The following AMBRA1 variants were observed in gnomAD, a reference collection of about 807,000 sequenced individuals.
The protein encoded by AMBRA1 is autophagy and beclin 1 regulator 1.
In AMBRA1, 47 loss-of-function variants were observed where a neutral mutation model predicts 125.4. That is an observed-to-expected ratio of 0.37 (90% CI 0.30 to 0.48). The LOEUF (loss-of-function observed/expected upper bound fraction) is 0.48. Among genes scored for constraint, AMBRA1 ranks in the 20% least tolerant of loss-of-function variants. AMBRA1 has a pLI of 0.99. For missense variants in AMBRA1, 1,331 were observed against 1,693.4 expected, an observed-to-expected ratio of 0.79 and a Z score of 3.76; for synonymous variants, 626 against 655.5, an observed-to-expected ratio of 0.95 and a Z score of 0.69.
At chr11:46,474,609 A>C (rs1421290943) in intron 11 of AMBRA1, among the ~76,000 whole-genome samples, 2 of 151,940 alleles carry the variant, frequency 1.3e-5, no homozygotes, top group Non-Finnish European at 2.9e-5. Context: ...GCTGGTCTTG[A>C]ACTCCAGACC....
At chr11:46,443,672 C>T (rs925225452) in intron 11 of AMBRA1, 74 bp from the exon 12 acceptor site, 2 of 1,285,444 alleles carry the variant, frequency 1.6e-6, no homozygotes, top group Middle Eastern at 1.8e-4. Context: ...TAAAACAATA[C>T]TGGGATTAGT....
rs116391569 is a variant in AMBRA1, at chr11:46,498,476, A to G, written c.2340-4272T>C. Among the ~76,000 whole-genome samples, 411 of 152,240 alleles carry G rather than the reference A, an allele frequency of 2.7e-3. 2 individuals are homozygous for G. Among genetic ancestry groups the G allele is most frequent in the African/African-American group, 9.5e-3 (396 of 41,542 alleles). On this transcript the variant is annotated intron_variant, in intron 9 of 17. Transcript: ENST00000683756. ...GGGGTATTTGGGAAGGAGTAGGGGG[A>G]AAAATACTTTCTTATCAAAGATTTT...
chr11:46,573,016 G>A (rs1007123812), intron 1 of AMBRA1, among the ~76,000 whole-genome samples: 20 of 151,238 alleles, frequency 1.3e-4, no homozygotes, highest in African/African-American at 4.9e-4. Context: ...CAGGCGAATC[G>A]CTTGAACCTG....
rs11821839 is a variant in AMBRA1 at position 46,416,974 on chromosome 11, C to A, written c.3116+939G>T. ...AAGCCAGAGGAAGGGGAAGGGGTGT[C>A]ATCAGGACTTCAGACACAAATCCCC... On this transcript the variant is annotated intron_variant, in intron 15 of 17. Transcript: ENST00000683756. Among the ~76,000 whole-genome samples, 1,280 of 152,260 alleles carry A rather than the reference C, an allele frequency of 8.4e-3. 9 individuals are homozygous for A. Among genetic ancestry groups the A allele is most frequent in the African/African-American group, 0.03 (1,235 of 41,530 alleles).
rs7946801 is a variant in AMBRA1, at chr11:46,547,722, G to A, written c.194+95C>T. ...AGTGCTGTTCATACAGTACTTCAGA[G>A]AGACTTTAGGGACTGACTTGGAAGA... On this transcript the variant is annotated intron_variant, in intron 3 of 17. Coordinates refer to ENST00000683756, the MANE Select transcript of AMBRA1 (RefSeq NM_001387011.1). 4,403 of 1,263,048 alleles carry A rather than the reference G, an allele frequency of 3.5e-3. 127 individuals are homozygous for A. In the African/African-American group the frequency reaches 0.059, roughly 17 times the overall value. The allele number at this position is 1,263,048 out of a possible 1,614,324, so 78.2% of individuals were successfully genotyped here.
At chr11:46,518,036 C>CAAGTTTGA in intron 7 of AMBRA1, 1 of 835,954 alleles carries the variant, frequency 1.2e-6, no homozygotes, top group Non-Finnish European at 1.4e-6. Flanking sequence ...ACGTTTTCTG[C>CAAGTTTGA]AAGTTTGAAA....
At chr11:46,569,027 G>GA (rs1255610046) in intron 1 of AMBRA1, among the ~76,000 whole-genome samples, 3 of 151,412 alleles carry the variant, frequency 2.0e-5, no homozygotes, top group Non-Finnish European at 4.4e-5. Context: ...GGCTGGTCTT[G>GA]AACTCTTAAC....
chr11:46,442,332 G>A (rs779316542), intron 12 of AMBRA1, among the ~76,000 whole-genome samples: 19 of 151,942 alleles, frequency 1.3e-4, no homozygotes, highest in Non-Finnish European at 2.5e-4. Flanking sequence ...TAGTAGAGAC[G>A]AGGTTTCATC....
At chr11:46,515,185 CCTT>C (rs1388041840) in intron 7 of AMBRA1, among the ~76,000 whole-genome samples, 1 of 152,150 alleles carries the variant, frequency 6.6e-6, no homozygotes, top group African/African-American at 2.4e-5. Context: ...CAAAAAACAT[CCTT>C]CTTGGCTGGG....
intron 17 of AMBRA1, among the ~76,000 whole-genome samples, chr11:46,405,560 A>T (rs954193892): frequency 2.0e-5 from 3 of 152,000 alleles, no homozygotes; most frequent in Non-Finnish European, 4.4e-5. Flanking sequence ...CTCTAAAAAA[A>T]AATAATGATT....
At chr11:46,454,067 T>C (rs1948737649) in intron 11 of AMBRA1, among the ~76,000 whole-genome samples, 3 of 152,150 alleles carry the variant, frequency 2.0e-5, no homozygotes, top group Admixed American at 2.0e-4. Flanking sequence ...TGAGAAAGAC[T>C]CTACTGAGGC....
intron 1 of AMBRA1, among the ~76,000 whole-genome samples, chr11:46,578,410 CT>C (rs2044040003): frequency 6.6e-6 from 1 of 151,470 alleles, no homozygotes; most frequent in Non-Finnish European, 1.5e-5. Flanking sequence ...TTGCTTGAAC[CT>C]GGGAGGCAGA....
chr11:46,480,835 G>C (rs955816377), intron 11 of AMBRA1, among the ~76,000 whole-genome samples: 1 of 152,196 alleles, frequency 6.6e-6, no homozygotes, highest in Non-Finnish European at 1.5e-5. Context: ...TGATAGAAGA[G>C]GAAAATTTCA....
chr11:46,421,941 A>C (rs527675436), intron 14 of AMBRA1, among the ~76,000 whole-genome samples: 33 of 152,320 alleles, frequency 2.2e-4, no homozygotes, highest in African/African-American at 7.7e-4. Flanking sequence ...CTTCATGTAC[A>C]GACACCCTAA....
At position 46,593,921 on chromosome 11, in the gene AMBRA1, GTTCTACCGACCGGCAGGAGAAGGCGGC is replaced by G; in HGVS notation, c.-241_-215del. ...GAGACAGGAATAAAGGAAGGGGTCC[GTTCTACCGACCGGCAGGAGAAGGCGGC>G]TTGAGCGCGGGGCCTCGCGGACAAC... On this transcript the variant is annotated 5_prime_UTR_variant, in exon 1 of 18. Transcript: ENST00000683756. 2.5e-6 allele frequency: 1 copy of G among 398,662 alleles called. No individual in the cohort carries two copies. The highest frequency in any genetic ancestry group is 4.4e-6 in the Non-Finnish European group (1 of 226,104). The allele number at this position is 398,662 out of a possible 1,614,324, so 24.7% of individuals were successfully genotyped here.
chr11:46,575,508 TTTCC>T (rs1261195694), intron 1 of AMBRA1, among the ~76,000 whole-genome samples: 1 of 145,322 alleles, frequency 6.9e-6, no homozygotes, highest in African/African-American at 2.6e-5. Context: ...TGTTTTTTTC[TTTCC>T]TTTTTTTTTT....
intron 11 of AMBRA1, among the ~76,000 whole-genome samples, chr11:46,488,446 AAAAAC>A (rs1318922571): frequency 2.0e-5 from 3 of 150,908 alleles, no homozygotes; most frequent in Non-Finnish European, 2.9e-5. Context: ...TCTGTCTCAA[AAAAAC>A]AAAACAAAAC....
At chr11:46,543,873 CT>C in intron 6 of AMBRA1, 101 bp downstream of exon 6, 2 of 950,698 alleles carry the variant, frequency 2.1e-6, no homozygotes, top group Non-Finnish European at 3.3e-6. Context: ...AAAGATAAGA[CT>C]TGGGTATTGA....
intron 11 of AMBRA1, among the ~76,000 whole-genome samples, chr11:46,453,756 T>C (rs997724257): frequency 4.6e-5 from 7 of 152,202 alleles, no homozygotes; most frequent in African/African-American, 1.4e-4. Flanking sequence ...TGGCTGTCTA[T>C]AATTCTGGCA....
Sources: gnomAD v4.1 joint callset for allele counts (sites outside exome capture counted in the v4.1 genomes callset) on GRCh38, gnomAD v4.1.1 for gene constraint, MANE v1.5 for transcripts, NCBI Gene and HGNC (gene_info 2026-07-23, HGNC 2026-07-21) for gene names.